The following ZNF99 variants were observed in gnomAD, a reference collection of about 807,000 sequenced individuals.
The protein encoded by ZNF99 is zinc finger protein ENSP00000375192.
Under a neutral mutation model 12.8 loss-of-function variants are expected in ZNF99, and 8 were observed. The observed-to-expected ratio is 0.62, with a 90% CI of 0.37 to 1.13. The LOEUF (loss-of-function observed/expected upper bound fraction) is 1.13, where lower values mean the gene tolerates loss of function less well. ZNF99 is among the 50% of genes most tolerant of loss of function. The pLI is 0.02. For synonymous variants in ZNF99, 318 were observed against 319.0 expected (o/e 1.00, Z 0.03); for missense variants, 1,007 against 1,006.2 (o/e 1.00, Z -0.01).
intron 1 of ZNF99, among the ~76,000 whole-genome samples, chr19:22,776,876 T>TACA (rs1194039440): frequency 6.6e-6 from 1 of 151,136 alleles, no homozygotes; most frequent in East Asian, 1.9e-4. Context: ...TAAGGTTTGG[T>TACA]GGCTCATGCC....
Position 22,754,271 on chromosome 19 carries a change from G to A in ZNF99, c.*3043C>T, listed in dbSNP as rs1973013988. Reference sequence around the variant, plus strand: ...AATCCCAGCTGCTTGGGAGGTTGAGGCCAGAGAATCGCTTGAACCCAGGAG... The same window carrying A: ...AATCCCAGCTGCTTGGGAGGTTGAGACCAGAGAATCGCTTGAACCCAGGAG... On this transcript the variant is annotated 3_prime_UTR_variant, in exon 4 of 4. Coordinates refer to ENST00000596209, the MANE Select transcript of ZNF99 (RefSeq NM_001080409.3). The A allele has an allele frequency of 4.6e-6, 2 of 435,490 alleles. No individual in the cohort carries two copies. Among genetic ancestry groups the A allele is most frequent in the Non-Finnish European group, 4.6e-6 (1 of 217,424 alleles). The allele number at this position is 435,490 out of a possible 1,614,324, so 27.0% of individuals were successfully genotyped here. A position where few individuals can be genotyped will look rare whatever the true frequency, so the allele number is the denominator to read the frequency against.
In ZNF99 at chr19:22,759,012, G is replaced by A; in HGVS notation, c.897C>T (p.His299=). ...TATGAATTGCTTTATGTCTAGTAAG[G>A]TGTGAGGATTGCTTAAAAGCTTTGC... is the stretch of plus-strand genomic sequence containing the variant. ...ECGKAFKQSS[H]LTRHKAIHTG... Residue 299 remains histidine, a synonymous_variant, in exon 4 of 4, where the codon CAC becomes CAT. Coordinates refer to ENST00000596209, the MANE Select transcript of ZNF99 (RefSeq NM_001080409.3). The A allele has an allele frequency of 6.2e-7, 1 of 1,613,614 alleles. No individual in the cohort carries two copies. Among genetic ancestry groups the A allele is most frequent in the Non-Finnish European group, 8.5e-7 (1 of 1,179,832 alleles).
rs1041534465 is a variant in ZNF99, at chr19:22,752,710, A to T, written c.*4604T>A. The T allele has an allele frequency of 2.6e-5, 4 of 152,176 alleles. No homozygotes were observed. Among genetic ancestry groups the T allele is most frequent in the Non-Finnish European group, 4.4e-5 (3 of 67,998 alleles). 9.4% of individuals were successfully genotyped at this position (152,176 alleles called of 1,614,324 possible). On this transcript the variant is annotated 3_prime_UTR_variant, in exon 4 of 4. Coordinates refer to ENST00000596209, the MANE Select transcript of ZNF99 (RefSeq NM_001080409.3). ...CTTCATTGAATGTACAACAGACTTA[A>T]CATGTCAAAAAATGTTTAAAAAATT...
At position 22,758,565 on chromosome 19, in the gene ZNF99, A is replaced by G. The variant is rs376901603; in HGVS notation, c.1344T>C (p.Thr448=). ...CTTCACATTTGTAGGGTTGCTTTCC[A>G]GTATGAATTATCTTATGTTTTCTAA... The part of the protein sequence containing the change: ...SALRKHKIIH[T]GKQPYKCEEC... Residue 448 remains threonine, a synonymous_variant, in exon 4 of 4, where the codon ACT becomes ACC. Transcript: ENST00000596209. The G allele has an allele frequency of 2.5e-6, 4 of 1,613,268 alleles. No individual in the cohort carries two copies. The African/African-American group carries it at 4.0e-5, about 16-fold the overall frequency.
rs1973129804 is a variant in ZNF99, at chr19:22,759,699, T to C, written c.227-17A>G. The C allele has an allele frequency of 1.4e-6, 2 of 1,472,204 alleles. No homozygotes were observed. The highest frequency in any genetic ancestry group is 1.8e-6 in the Non-Finnish European group (2 of 1,107,920). The allele number at this position is 1,472,204 out of a possible 1,614,324, so 91.2% of individuals were successfully genotyped here. ...AACTAATAACTGGAAGAAATGAAAA[T>C]AATAAATTATGTCACTTGCTAGACT... On this transcript the variant is annotated splice_polypyrimidine_tract_variant and intron_variant, in intron 3 of 3. Transcript: ENST00000596209.
At chr19:22,774,464 T>C (rs1973304104) in intron 1 of ZNF99, 2 of 152,234 alleles carry the variant, frequency 1.3e-5, no homozygotes, top group South Asian at 4.1e-4. Context: ...TACTGGAATA[T>C]ATTTAAGCTT....
intron 2 of ZNF99, 123 bp downstream of exon 2, chr19:22,769,075 T>G (rs1973236638): frequency 1.8e-6 from 2 of 1,109,682 alleles, no homozygotes; most frequent in African/African-American, 3.3e-5. Context: ...AATCCCTGTT[T>G]TCAGAAAACG....
At chr19:22,783,016 A>C (rs953814428) in intron 1 of ZNF99, among the ~76,000 whole-genome samples, 2 of 151,734 alleles carry the variant, frequency 1.3e-5, no homozygotes, top group Non-Finnish European at 2.9e-5. Context: ...GCGGTGGCTC[A>C]TGTCTGTGAT....
At chr19:22,775,719 C>T (rs576692255) in intron 1 of ZNF99, among the ~76,000 whole-genome samples, 4 of 152,190 alleles carry the variant, frequency 2.6e-5, no homozygotes, top group African/African-American at 9.6e-5. Flanking sequence ...AAACAAACAA[C>T]CTCCTTAAAA....
At position 22,761,474 on chromosome 19, in the gene ZNF99, G is replaced by A. The variant is rs1238224146; in HGVS notation, c.227-1792C>T. Among the ~76,000 whole-genome samples the A allele has an allele frequency of 2.0e-5, 3 of 152,100 alleles. No individual in the cohort carries two copies. The East Asian group carries it at 5.8e-4, about 29-fold the overall frequency. On this transcript the variant is annotated intron_variant, in intron 3 of 3. Coordinates refer to ENST00000596209, the MANE Select transcript of ZNF99 (RefSeq NM_001080409.3). The stretch of plus-strand genomic sequence containing the variant: ...CAACATATATGCACCTAACACTGAA[G>A]CTCCCAAATTTATAAGACAATTACT...
In ZNF99 at chr19:22,753,951, C is replaced by A; in HGVS notation, c.*3363G>T. ...ATGACTCACATCTAGGGCTTCTTGA[C>A]ACTATGATTTCTTTTATGTTTAGAA... On this transcript the variant is annotated 3_prime_UTR_variant, in exon 4 of 4. Transcript: ENST00000596209. 4.5e-6 allele frequency: 2 copies of A among 445,696 alleles called. No homozygotes were observed. The highest frequency in any genetic ancestry group is 1.6e-5 in the South Asian group (1 of 63,058). 27.6% of individuals were successfully genotyped at this position (445,696 alleles called of 1,614,324 possible).
chr19:22,764,252 A>G (rs1031344260), intron 3 of ZNF99, among the ~76,000 whole-genome samples: 1 of 152,144 alleles, frequency 6.6e-6, no homozygotes, highest in African/African-American at 2.4e-5. Flanking sequence ...GGCTAGCCAC[A>G]TGTAGGAGAA....
At position 22,758,219 on chromosome 19, in the gene ZNF99, G is replaced by T; in HGVS notation, c.1690C>A (p.Pro564Thr). The T allele has an allele frequency of 1.9e-6, 3 of 1,612,040 alleles. No individual in the cohort carries two copies. Among genetic ancestry groups the T allele is most frequent in the Non-Finnish European group, 8.5e-7 (1 of 1,178,792 alleles). Residue 564 changes from proline to threonine, a missense_variant, in exon 4 of 4, where the codon CCA (proline) becomes ACA (threonine). Transcript: ENST00000596209. ...KHKIIHTGKK[P>T]YKCEECGKAF... The stretch of plus-strand genomic sequence containing the variant: ...TTGCCACATTCTTCACATTTGTATG[G>T]TTTCTTCCCAGTATGAATTATCTTA...
chr19:22,759,972 T>C (rs1432957738), intron 3 of ZNF99, among the ~76,000 whole-genome samples: 2 of 152,170 alleles, frequency 1.3e-5, no homozygotes, highest in Non-Finnish European at 2.9e-5. Flanking sequence ...ACTCAGCTCT[T>C]CCTGCTCCCC....
intron 1 of ZNF99, among the ~76,000 whole-genome samples, chr19:22,781,317 C>T (rs529928049): frequency 6.6e-6 from 1 of 151,702 alleles, no homozygotes; most frequent in South Asian, 2.1e-4. Context: ...TGCCCAATAA[C>T]TCCTTCTCAG....
intron 1 of ZNF99, among the ~76,000 whole-genome samples, chr19:22,772,617 C>T (rs532375275): frequency 4.6e-4 from 69 of 149,420 alleles, no homozygotes; most frequent in African/African-American, 1.7e-3. Flanking sequence ...GCAGGGGTTG[C>T]GGTGAGCCGA....
chr19:22,775,255 G>A (rs1973313667), intron 1 of ZNF99, among the ~76,000 whole-genome samples: 1 of 152,100 alleles, frequency 6.6e-6, no homozygotes, highest in Non-Finnish European at 1.5e-5. Flanking sequence ...CAGAAATAAT[G>A]CCACAGACCT....
intron 3 of ZNF99, among the ~76,000 whole-genome samples, chr19:22,765,062 A>G (rs1973189865): frequency 6.6e-6 from 1 of 152,218 alleles, no homozygotes; most frequent in African/African-American, 2.4e-5. Context: ...AATTCACAAC[A>G]GCAAAATCAT....
chr19:22,784,089 G>A lies in ZNF99; in HGVS notation c.-73C>T, dbSNP rs912977015. ...TACCTACAGGTCACAGGGCCACAGAGGCTAAGGACACAGAGCAGTAAAAAC... is the reference window on the plus strand; with the variant it reads ...TACCTACAGGTCACAGGGCCACAGAAGCTAAGGACACAGAGCAGTAAAAAC... On this transcript the variant is annotated 5_prime_UTR_variant, in exon 1 of 4. Transcript: ENST00000596209. The A allele has an allele frequency of 9.6e-6, 15 of 1,569,580 alleles. No individual in the cohort carries two copies. Among genetic ancestry groups the A allele is most frequent in the African/African-American group, 4.1e-5 (3 of 73,700 alleles).
Sources: gnomAD v4.1 joint callset for allele counts (sites outside exome capture counted in the v4.1 genomes callset) on GRCh38, gnomAD v4.1.1 for gene constraint, MANE v1.5 for transcripts, NCBI Gene and HGNC (gene_info 2026-07-23, HGNC 2026-07-21) for gene names.